The following KCTD16 variants were observed in gnomAD, a reference collection of about 807,000 sequenced individuals.
The protein encoded by KCTD16 is potassium channel tetramerization domain containing 16, also known as BTB/POZ domain-containing protein KCTD16.
In KCTD16, 13 loss-of-function variants were observed where a neutral mutation model predicts 33.2. The ratio of observed to expected loss-of-function variants is 0.39; its 90% CI spans 0.25 to 0.62. KCTD16 has a LOEUF of 0.62. Among genes scored for constraint, KCTD16 ranks in the 20% least tolerant of loss-of-function variants. The pLI, the probability that KCTD16 is intolerant of heterozygous loss-of-function variation, is 0.50. For synonymous variants in KCTD16, 197 were observed against 195.3 expected, an observed-to-expected ratio of 1.01 and a Z score of -0.07; for missense variants, 441 against 525.1, an observed-to-expected ratio of 0.84 and a Z score of 1.57.
At chr5:144,401,650 C>A (rs1160888586) in intron 3 of KCTD16, among the ~76,000 whole-genome samples, 6 of 152,058 alleles carry the variant, frequency 3.9e-5, no homozygotes, top group African/African-American at 1.5e-4. Flanking sequence ...TTTGGGGCAA[C>A]AAAAATATGT....
At chr5:144,313,789 C>T (rs1309684417) in intron 3 of KCTD16, among the ~76,000 whole-genome samples, 1 of 152,062 alleles carries the variant, frequency 6.6e-6, no homozygotes, top group Non-Finnish European at 1.5e-5. Flanking sequence ...AATACTTTTG[C>T]TCTTAGTAGT....
chr5:144,188,852 T>C (rs1451295973), intron 2 of KCTD16, among the ~76,000 whole-genome samples: 4 of 152,116 alleles, frequency 2.6e-5, no homozygotes, highest in Non-Finnish European at 4.4e-5. Flanking sequence ...TGAGAATCAA[T>C]ACTGAGTGAA....
intron 3 of KCTD16, among the ~76,000 whole-genome samples, chr5:144,464,155 G>C (rs1580984460): frequency 6.6e-6 from 1 of 152,096 alleles, no homozygotes; most frequent in Non-Finnish European, 1.5e-5. Flanking sequence ...TATAATGGCT[G>C]GGTCTTTGGC....
chr5:144,203,954 TAACA>T (rs1193164788), intron 2 of KCTD16, among the ~76,000 whole-genome samples: 2 of 152,218 alleles, frequency 1.3e-5, no homozygotes, highest in Non-Finnish European at 2.9e-5. Flanking sequence ...GTGCATCACA[TAACA>T]AACATCTTGC....
chr5:144,196,655 C>G (rs1580780610), intron 2 of KCTD16, among the ~76,000 whole-genome samples: 1 of 152,212 alleles, frequency 6.6e-6, no homozygotes, highest in East Asian at 1.9e-4. Flanking sequence ...CAGGTTGAAT[C>G]CAGGTTCTAT....
chr5:144,252,042 G>T (rs1380929059), intron 3 of KCTD16, among the ~76,000 whole-genome samples: 3 of 152,074 alleles, frequency 2.0e-5, no homozygotes, highest in Non-Finnish European at 2.9e-5. Context: ...TTTGTGAAAT[G>T]ATTACCAAAA....
chr5:144,473,962 A>G lies in KCTD16; in HGVS notation c.1135A>G (p.Ser379Gly), dbSNP rs113526376. The change falls in exon 4 of 4, where the codon AGC becomes GGC. Residue 379 changes from serine to glycine, a missense_variant. By Grantham distance (56) the Ser-to-Gly change is moderately conservative. Coordinates refer to ENST00000512467, the MANE Select transcript of KCTD16 (RefSeq NM_020768.4). The stretch of plus-strand genomic sequence containing the variant: ...TTCAGGCTCCAGGGAATCGAACATG[A>G]GCAGCAAAAAAAAAGCTGTTAAAGA... ...LTSGSRESNM[S>G]SKKKAVKEKL... is the part of the protein sequence containing the mutation. 1 of 1,614,028 alleles carries G rather than the reference A, an allele frequency of 6.2e-7. No individual in the cohort carries two copies. The highest frequency in any genetic ancestry group is 1.3e-5 in the African/African-American group (1 of 75,006).
At chr5:144,291,432 T>C (rs374262269) in intron 3 of KCTD16, among the ~76,000 whole-genome samples, 1 of 152,218 alleles carries the variant, frequency 6.6e-6, no homozygotes, top group Non-Finnish European at 1.5e-5. Context: ...ACTCAGCATA[T>C]ACTACTAATA....
rs756755677 is a variant in KCTD16 at position 144,399,707 on chromosome 5, G to T, written c.833-73953G>T. Among the ~76,000 whole-genome samples, 8 of 152,190 alleles carry T rather than the reference G, an allele frequency of 5.3e-5. 1 individual carries two copies. The highest frequency in any genetic ancestry group is 6.8e-3 in the Middle Eastern group (2 of 294). On this transcript the variant is annotated intron_variant, in intron 3 of 3. Transcript: ENST00000512467. ...ACAATTTTACACATAAAAATAAGTT[G>T]CTCATGAATATAGCAAAAATTATTA...
chr5:144,196,416 G>A (rs1391441562), intron 2 of KCTD16, among the ~76,000 whole-genome samples: 2 of 151,978 alleles, frequency 1.3e-5, no homozygotes, highest in African/African-American at 4.8e-5. Context: ...ATAAAAGGAA[G>A]GTATTTTATT....
intron 3 of KCTD16, among the ~76,000 whole-genome samples, chr5:144,452,863 A>T (rs2126986077): frequency 6.6e-6 from 1 of 152,168 alleles, no homozygotes; most frequent in Non-Finnish European, 1.5e-5. Flanking sequence ...TCAGTGGAGA[A>T]TTAGGCTGCT....
chr5:144,378,395 G>T (rs1294171797), intron 3 of KCTD16, among the ~76,000 whole-genome samples: 1 of 152,102 alleles, frequency 6.6e-6, no homozygotes, highest in Non-Finnish European at 1.5e-5. Flanking sequence ...TAGTTTACAG[G>T]ATTTGAATCA....
chr5:144,371,993 T>C (rs138323246), intron 3 of KCTD16, among the ~76,000 whole-genome samples: 1 of 152,196 alleles, frequency 6.6e-6, no homozygotes, highest in African/African-American at 2.4e-5. Context: ...CAAGAAGGAA[T>C]AAAGAATAGG....
chr5:144,371,503 T>A (rs1222767748), intron 3 of KCTD16, among the ~76,000 whole-genome samples: 2 of 152,148 alleles, frequency 1.3e-5, no homozygotes. Context: ...TGAGTATGTG[T>A]TATCTGTTTC....
chr5:144,180,742 G>A (rs1011826091), intron 2 of KCTD16, among the ~76,000 whole-genome samples: 14 of 152,050 alleles, frequency 9.2e-5, no homozygotes, highest in African/African-American at 2.2e-4. Flanking sequence ...CATGTGGTAC[G>A]GGCTTCCTCA....
intron 3 of KCTD16, among the ~76,000 whole-genome samples, chr5:144,223,930 G>C (rs187062877): frequency 6.6e-6 from 1 of 151,988 alleles, no homozygotes; most frequent in Non-Finnish European, 1.5e-5. Flanking sequence ...AGGAAACCTA[G>C]GGCTCAGCGT....
At chr5:144,472,173 G>T (rs939616402) in intron 3 of KCTD16, among the ~76,000 whole-genome samples, 2 of 152,106 alleles carry the variant, frequency 1.3e-5, no homozygotes, top group Admixed American at 1.3e-4. Flanking sequence ...ACTGTATAAA[G>T]GTACTACGTT....
chr5:144,448,724 A>C (rs1442113829), intron 3 of KCTD16, among the ~76,000 whole-genome samples: 2 of 152,106 alleles, frequency 1.3e-5, no homozygotes, highest in Non-Finnish European at 2.9e-5. Flanking sequence ...TAAGCCCTGG[A>C]TTAAAGATTT....
chr5:144,418,157 G>A lies in KCTD16; in HGVS notation c.833-55503G>A, dbSNP rs114003662. On this transcript the variant is annotated intron_variant, in intron 3 of 3. Transcript: ENST00000512467. ...CACTGGCTTCAGGAGTGAAGCTGAA[G>A]ACCTTCTTGGCAAGTGTTACAGCTC... Among the ~76,000 whole-genome samples the A allele has an allele frequency of 3.9e-3, 593 of 152,270 alleles. 1 individual carries two copies. The highest frequency in any genetic ancestry group is 0.013 in the African/African-American group (542 of 41,560).
Sources: allele counts gnomAD v4.1 joint callset (sites outside exome capture counted in the v4.1 genomes callset), GRCh38; gene constraint gnomAD v4.1.1; transcripts MANE v1.5; gene names NCBI Gene and HGNC (gene_info 2026-07-23, HGNC 2026-07-21).